Variants in PKD1L1 observed in about 807,000 individuals in gnomAD.
PKD1L1 encodes polycystin-1-like protein 1.
PKD1L1 carries 236 observed loss-of-function variants against 323.4 expected under a neutral mutation model. The ratio of observed to expected loss-of-function variants is 0.73; its 90% CI spans 0.66 to 0.81. The LOEUF is 0.81. PKD1L1 is among the 40% of genes least tolerant of loss of function. The pLI is 0.00. For synonymous variants in PKD1L1, 1,344 were observed against 1,335.0 expected, an observed-to-expected ratio of 1.01 and a Z score of -0.15; for missense variants, 3,320 against 3,508.0, an observed-to-expected ratio of 0.95 and a Z score of 1.35.
intron 33 of PKD1L1, among the ~76,000 whole-genome samples, chr7:47,843,404 G>A (rs1174612486): frequency 6.6e-6 from 1 of 152,170 alleles, no homozygotes; most frequent in Non-Finnish European, 1.5e-5. Flanking sequence ...ACCTTGTAAT[G>A]GACCAGCCTC....
At chr7:47,954,235 T>G in the PKD1L1 span, among the ~76,000 whole-genome samples, 1 of 152,160 alleles carries the variant, frequency 6.6e-6, no homozygotes, top group South Asian at 2.1e-4. Flanking sequence ...ACTGGCAGCC[T>G]CTGGTTAGCA....
intron 56 of PKD1L1, among the ~76,000 whole-genome samples, chr7:47,783,893 A>G (rs1044688058): frequency 1.1e-4 from 17 of 152,206 alleles, no homozygotes; most frequent in African/African-American, 2.4e-4. Flanking sequence ...CAAGACTCCA[A>G]TTGAAATAGA....
At chr7:47,834,846 CAATGTTACTCAT>C (rs1785422867) in intron 39 of PKD1L1, 109 bp downstream of exon 39, 1 of 786,234 alleles carries the variant, frequency 1.3e-6, no homozygotes, top group Admixed American at 2.8e-5. Flanking sequence ...AAATGATGCT[CAATGTTACTCAT>C]AATAAACATA....
intron 28 of PKD1L1, among the ~76,000 whole-genome samples, chr7:47,857,372 C>T (rs1357511775): frequency 6.6e-6 from 1 of 152,158 alleles, no homozygotes; most frequent in African/African-American, 2.4e-5. Context: ...GGCCCAGTGT[C>T]CCAGATACAA....
At chr7:47,800,278 C>T (rs971730610) in intron 54 of PKD1L1, among the ~76,000 whole-genome samples, 1 of 152,184 alleles carries the variant, frequency 6.6e-6, no homozygotes, top group African/African-American at 2.4e-5. Flanking sequence ...GGGAGTGCAA[C>T]TCTGATAAGA....
chr7:47,853,136 A>G lies in PKD1L1; in HGVS notation c.4951T>C (p.Ser1651Pro). ...CGCCCTGTTCACTGACCTTTCTGAG[A>G]AGCAGCAGGTATATAAATCTGCACA... ...SIVQIYIPAA[S>P]QKDASVGYLS... Residue 1651 changes from serine to proline, a missense_variant, in exon 31 of 57, where the codon TCT (serine) becomes CCT (proline). Physicochemically the swap from Ser to Pro is moderately conservative, Grantham distance 74. Coordinates refer to ENST00000289672, the MANE Select transcript of PKD1L1 (RefSeq NM_138295.5). The G allele has an allele frequency of 1.2e-6, 2 of 1,610,802 alleles. No individual in the cohort carries two copies. The highest frequency in any genetic ancestry group is 1.7e-4 in the Middle Eastern group (1 of 6,052).
rs548177739 is a variant in PKD1L1, at chr7:47,942,469, C to T, written c.160+927G>A. ...CCCGCCCCCCCACTCCATTTAAATC[C>T]GTCTCTTTAGAAATTAAAAAAATTT... On this transcript the variant is annotated intron_variant, in intron 2 of 56. Transcript: ENST00000289672. Among the ~76,000 whole-genome samples the T allele has an allele frequency of 2.0e-3, 299 of 151,682 alleles. 2 individuals carry two copies. The highest frequency in any genetic ancestry group is 6.6e-3 in the African/African-American group (273 of 41,362).
chr7:47,857,764 A>G lies in PKD1L1; in HGVS notation c.4431T>C (p.Leu1477=). ...MEFRTLLHYN[L]QSSVQSLGSV... is the part of the protein sequence containing the mutation. ...ATCCCAGGCTCTGGACAGAGCTCTG[A>G]AGGTTGTAATGAAGAAGGGTCCGGA... is the stretch of plus-strand genomic sequence containing the variant. The change falls in exon 28 of 57, where the codon CTT becomes CTC. Residue 1477 remains leucine, a synonymous_variant. Transcript: ENST00000289672. 6.2e-7 allele frequency: 1 copy of G among 1,614,126 alleles called. No homozygotes were observed. Among genetic ancestry groups the G allele is most frequent in the Non-Finnish European group, 8.5e-7 (1 of 1,180,034 alleles).
At chr7:47,954,368 G>A in the PKD1L1 span, among the ~76,000 whole-genome samples, 65 of 152,332 alleles carry the variant, frequency 4.3e-4, no homozygotes, top group African/African-American at 1.5e-3. Flanking sequence ...GTGGTGTTGG[G>A]AGGCAGAGCC....
At chr7:47,948,955 T>C (rs2708860), upstream of PKD1L1, among the ~76,000 whole-genome samples, 121,880 of 152,110 alleles carry the variant, frequency 0.8, 49,314 homozygotes, top group East Asian at 0.96. Flanking sequence ...AAAAACAAAA[T>C]GAAACAAAAC....
intron 30 of PKD1L1, 87 bp downstream of exon 30, chr7:47,854,795 T>C: frequency 6.8e-7 from 1 of 1,463,904 alleles, no homozygotes; most frequent in South Asian, 1.2e-5. Flanking sequence ...AAAAACACAA[T>C]TTAATTCACT....
chr7:47,917,372 G>C (rs1455241214), intron 7 of PKD1L1, among the ~76,000 whole-genome samples: 4 of 151,946 alleles, frequency 2.6e-5, no homozygotes, highest in African/African-American at 9.7e-5. Context: ...TCCTGAGGAA[G>C]AAGAGAAATC....
At chr7:47,786,713 T>C (rs1257056273) in intron 56 of PKD1L1, among the ~76,000 whole-genome samples, 1 of 152,208 alleles carries the variant, frequency 6.6e-6, no homozygotes, top group Admixed American at 6.5e-5. Flanking sequence ...CACTGACTAG[T>C]GGCCTAGCCA....
At chr7:47,806,569 T>A (rs1784782320) in intron 52 of PKD1L1, among the ~76,000 whole-genome samples, 1 of 152,236 alleles carries the variant, frequency 6.6e-6, no homozygotes, top group South Asian at 2.1e-4. Flanking sequence ...GCCCTAATAT[T>A]GGTACCAGGG....
chr7:47,857,422 ATCT>A (rs1382355782), intron 28 of PKD1L1, among the ~76,000 whole-genome samples, 180 bp downstream of exon 28: 2 of 152,196 alleles, frequency 1.3e-5, no homozygotes, highest in Admixed American at 6.5e-5. Flanking sequence ...GGAGAAGCTA[ATCT>A]TCTAAGAGGA....
chr7:47,841,860 T>G (rs1785569121), intron 34 of PKD1L1, among the ~76,000 whole-genome samples: 1 of 152,220 alleles, frequency 6.6e-6, no homozygotes, highest in Non-Finnish European at 1.5e-5. Context: ...GAGATTATTT[T>G]GATGATTTTT....
At chr7:47,829,640 T>C (rs770943359) in intron 43 of PKD1L1, 39 bp from the exon 44 acceptor site, 7 of 1,561,982 alleles carry the variant, frequency 4.5e-6, no homozygotes, top group South Asian at 1.2e-5. Flanking sequence ...AGCCGCCCTA[T>C]GTCTGTGTTC....
intron 5 of PKD1L1, 114 bp from the exon 6 acceptor site, chr7:47,931,435 G>A (rs2128755866): frequency 8.8e-7 from 1 of 1,132,264 alleles, no homozygotes; most frequent in East Asian, 2.6e-5. Context: ...TGCTACTGAG[G>A]TCTCTGCTAT....
In PKD1L1 at chr7:47,857,638, C is replaced by G. The variant is rs1426170297; in HGVS notation, c.4557G>C (p.Lys1519Asn). Residue 1519 changes from lysine (K) to asparagine (N), a missense_variant, in exon 28 of 57, where the codon AAG becomes AAC. By Grantham distance (94) the Lys-to-Asn change is moderately conservative. Coordinates refer to ENST00000289672, the MANE Select transcript of PKD1L1 (RefSeq NM_138295.5). Reference protein sequence around the residue: ...CYISQLILFKKNPYPGSQAPG... With the variant: ...CYISQLILFKNNPYPGSQAPG... ...GAGCTTGGCTCCCTGGATATGGGTT[C>G]TTCTTGAAGAGTATGAGCTGGCTAA... 1.2e-6 allele frequency: 2 copies of G among 1,614,078 alleles called. No individual in the cohort carries two copies. Among genetic ancestry groups the G allele is most frequent in the African/African-American group, 2.7e-5 (2 of 74,932 alleles).
Sources: allele counts gnomAD v4.1 joint callset (sites outside exome capture counted in the v4.1 genomes callset), GRCh38; gene constraint gnomAD v4.1.1; transcripts MANE v1.5; gene names NCBI Gene and HGNC (gene_info 2026-07-23, HGNC 2026-07-21).